DKKL1: variants seen among roughly 807,000 people sequenced by gnomAD.
The protein encoded by DKKL1 is dickkopf like acrosomal protein 1, also known as dickkopf-like protein 1.
A neutral mutation model predicts 16.5 loss-of-function variants in DKKL1; 11 were observed. The observed-to-expected ratio is 0.67, with a 90% CI of 0.42 to 1.10. The LOEUF is 1.10. Ranked by LOEUF, DKKL1 falls within the 50% of genes least tolerant of loss-of-function variation. The pLI is 0.00. For missense variants in DKKL1, 320 were observed against 308.1 expected (o/e 1.04, Z -0.29); for synonymous variants, 119 against 133.2 (o/e 0.89, Z 0.73).
At chr19:49,363,639 T>C (rs1274833973), upstream of DKKL1, 1 of 364,196 alleles carries the variant, frequency 2.7e-6, no homozygotes, top group Non-Finnish European at 5.1e-6. Flanking sequence ...GGACTTGGTC[T>C]CCAGGACTGA....
Position 49,363,921 on chromosome 19 carries a change from G to A in DKKL1, c.-78G>A. 6.3e-7 allele frequency: 1 copy of A among 1,588,514 alleles called. No homozygotes were observed. Among genetic ancestry groups the A allele is most frequent in the Admixed American group, 1.8e-5 (1 of 56,268 alleles). On this transcript the variant is annotated 5_prime_UTR_variant, in exon 1 of 5. Transcript: ENST00000221498. ...TAACTGTTTGGCTTTAACAGTACGT[G>A]GGCGGCCGGAATCCGGGAGTCCGGT...
At chr19:49,374,687 T>G (rs772148201) in intron 4 of DKKL1, 30 bp from the exon 5 acceptor site, 1 of 1,513,832 alleles carries the variant, frequency 6.6e-7, no homozygotes, top group South Asian at 1.3e-5. Flanking sequence ...GTTTGGAGTA[T>G]GAGAGGGTCT....
intron 4 of DKKL1, chr19:49,370,122 G>T (rs1021713392): frequency 3.9e-5 from 6 of 152,230 alleles, no homozygotes; most frequent in Non-Finnish European, 7.3e-5. Flanking sequence ...TATCCTGGAA[G>T]GATACCAAGC....
chr19:49,364,616 G>T lies in DKKL1; in HGVS notation c.45G>T (p.Leu15=), dbSNP rs1413196253. The change falls in exon 2 of 5, where the codon CTG becomes CTT. Residue 15 remains leucine (L), a synonymous_variant. Transcript: ENST00000221498. ...CTGCCCCCGCAAGGCGGCATCTGCTGGTCCTGCTGCTGCTCCTCTCTACCC... is the reference window on the plus strand; with the variant it reads ...CTGCCCCCGCAAGGCGGCATCTGCTTGTCCTGCTGCTGCTCCTCTCTACCC... ...SPPAPARRHL[L]VLLLLLSTLV... 6.2e-7 allele frequency: 1 copy of T among 1,613,044 alleles called. No individual in the cohort carries two copies. Among genetic ancestry groups the T allele is most frequent in the Non-Finnish European group, 8.5e-7 (1 of 1,180,006 alleles).
Position 49,364,563 on chromosome 19 carries a change from AC to A in DKKL1, c.11-15del. 1 of 1,601,742 alleles carries A rather than the reference AC, an allele frequency of 6.2e-7. No individual in the cohort carries two copies. The highest frequency in any genetic ancestry group is 1.1e-5 in the South Asian group (1 of 89,068). On this transcript the variant is annotated intron_variant, in intron 1 of 4. Coordinates refer to ENST00000221498, the MANE Select transcript of DKKL1 (RefSeq NM_014419.4). ...GGCGTGGCCACTGTGCGGGGCTCTG[AC>A]CCCGACCCTTGCCACAGCCTCCCCA...
intron 2 of DKKL1, among the ~76,000 whole-genome samples, chr19:49,365,029 A>G (rs1973195508): frequency 6.6e-6 from 1 of 152,042 alleles, no homozygotes; most frequent in South Asian, 2.1e-4. Context: ...AAATAGTTGC[A>G]GGTACATGCG....
At chr19:49,372,081 C>T (rs115371992) in intron 4 of DKKL1, among the ~76,000 whole-genome samples, 5,256 of 152,166 alleles carry the variant, frequency 0.035, 284 homozygotes, top group African/African-American at 0.12. Context: ...AATAAACATG[C>T]ATGTGCCTGT....
chr19:49,361,030 GA>G (rs1164447027), upstream of DKKL1, among the ~76,000 whole-genome samples: 1 of 77,246 alleles, frequency 1.3e-5, no homozygotes. Flanking sequence ...AGACCAGAGG[GA>G]GGGGGGGACA....
intron 4 of DKKL1, chr19:49,368,994 T>C (rs1973367567): frequency 1.3e-5 from 2 of 152,186 alleles, no homozygotes; most frequent in Non-Finnish European, 2.9e-5. Context: ...TTTTTTAAGT[T>C]GTTAGCCAAT....
rs1353659715 is a variant in DKKL1 at position 49,364,611 on chromosome 19, C to T, written c.40C>T (p.Leu14=). 1 of 1,612,948 alleles carries T rather than the reference C, an allele frequency of 6.2e-7. No homozygotes were observed. The highest frequency in any genetic ancestry group is 8.5e-7 in the Non-Finnish European group (1 of 1,179,928). The change falls in exon 2 of 5, where the codon CTG becomes TTG. Residue 14 remains leucine (L), a synonymous_variant. Coordinates refer to ENST00000221498, the MANE Select transcript of DKKL1 (RefSeq NM_014419.4). ...CCCACCTGCCCCCGCAAGGCGGCATCTGCTGGTCCTGCTGCTGCTCCTCTC... is the reference window on the plus strand; with the variant it reads ...CCCACCTGCCCCCGCAAGGCGGCATTTGCTGGTCCTGCTGCTGCTCCTCTC... ...ASPPAPARRH[L]LVLLLLLSTL...
At position 49,364,597 on chromosome 19, in the gene DKKL1, C is replaced by G. The variant is rs1973177580; in HGVS notation, c.26C>G (p.Pro9Arg). ...CTTGCCACAGCCTCCCCACCTGCCC[C>G]CGCAAGGCGGCATCTGCTGGTCCTG... MGEASPPA[P>R]ARRHLLVLLL... Residue 9 changes from proline (P) to arginine (R), a missense_variant, in exon 2 of 5, where the codon CCC becomes CGC. Pro to Arg is a moderately radical substitution (Grantham distance 103, BLOSUM62 -2). Transcript: ENST00000221498. The G allele has an allele frequency of 1.9e-6, 3 of 1,611,800 alleles. No individual in the cohort carries two copies. Among genetic ancestry groups the G allele is most frequent in the Middle Eastern group, 2.1e-4 (1 of 4,822 alleles).
chr19:49,363,437 T>C (rs1053289697), upstream of DKKL1, among the ~76,000 whole-genome samples: 30 of 152,246 alleles, frequency 2.0e-4, no homozygotes, highest in African/African-American at 7.2e-4. Flanking sequence ...TGTACTCCGG[T>C]GTCTCCAGTA....
intron 4 of DKKL1, 49 bp downstream of exon 4, chr19:49,365,934 T>G (rs780962339): frequency 1.3e-6 from 2 of 1,558,068 alleles, no homozygotes; most frequent in Non-Finnish European, 1.7e-6. Context: ...ACATTTTCTT[T>G]TTTTCTTTTT....
chr19:49,366,644 A>C (rs746073091), intron 4 of DKKL1, among the ~76,000 whole-genome samples: 5 of 151,570 alleles, frequency 3.3e-5, no homozygotes, highest in Non-Finnish European at 7.4e-5. Flanking sequence ...CCTCTCCATT[A>C]TAAACTCCAA....
In DKKL1 at chr19:49,373,116, C is replaced by A. The variant is rs576079739; in HGVS notation, c.418-1601C>A. 3.3e-5 allele frequency among the ~76,000 whole-genome samples: 5 copies of A among 152,082 alleles called. No homozygotes were observed. In the East Asian group the frequency reaches 9.7e-4, roughly 30 times the overall value. ...GTCAGGAGGTTGAGACCAACCTGGC[C>A]AACATGGTGAAACCCCGTCTCTACT... On this transcript the variant is annotated intron_variant, in intron 4 of 4. Coordinates refer to ENST00000221498, the MANE Select transcript of DKKL1 (RefSeq NM_014419.4).
At chr19:49,371,484 T>G (rs1699547173) in intron 4 of DKKL1, among the ~76,000 whole-genome samples, 1 of 152,266 alleles carries the variant, frequency 6.6e-6, no homozygotes, top group Non-Finnish European at 1.5e-5. Flanking sequence ...TAGTTTTTTT[T>G]GGATCTTTGT....
At chr19:49,371,824 A>C (rs1371060939) in intron 4 of DKKL1, among the ~76,000 whole-genome samples, 2 of 142,772 alleles carry the variant, frequency 1.4e-5, no homozygotes, top group African/African-American at 5.3e-5. Context: ...TCCTGTGTCC[A>C]TGTGTTCTCA....
At chr19:49,365,952 G>C in intron 4 of DKKL1, 67 bp downstream of exon 4, 1 of 1,457,704 alleles carries the variant, frequency 6.9e-7, no homozygotes, top group Non-Finnish European at 9.4e-7. Context: ...TTTTAAAGAA[G>C]AGTCTCACTC....
chr19:49,368,758 ACT>A (rs1253838156), intron 4 of DKKL1: 4 of 152,070 alleles, frequency 2.6e-5, no homozygotes, highest in East Asian at 1.9e-4. Flanking sequence ...TGTGTTAGTA[ACT>A]CTTTTTTAAA....
Sources: allele counts gnomAD v4.1 joint callset (sites outside exome capture counted in the v4.1 genomes callset), GRCh38; gene constraint gnomAD v4.1.1; transcripts MANE v1.5; gene names NCBI Gene and HGNC (gene_info 2026-07-23, HGNC 2026-07-21).